The following KIAA0825 variants were observed in gnomAD, a reference collection of about 807,000 sequenced individuals.
KIAA0825 encodes the protein KIAA0825, also known as uncharacterized protein KIAA0825.
KIAA0825 carries 119 observed loss-of-function variants against 147.6 expected under a neutral mutation model. The observed-to-expected ratio is 0.81, with a 90% CI of 0.69 to 0.94. The LOEUF is 0.94. Ranked by LOEUF, KIAA0825 falls within the 40% of genes least tolerant of loss-of-function variation. The probability of loss-of-function intolerance (pLI) is 0.00; values close to 1 mark genes in which losing one functional copy is unlikely to be tolerated. For missense variants in KIAA0825, 1,381 were observed against 1,472.7 expected, an observed-to-expected ratio of 0.94 and a Z score of 1.02; for synonymous variants, 470 against 518.1, an observed-to-expected ratio of 0.91 and a Z score of 1.26.
intron 20 of KIAA0825, among the ~76,000 whole-genome samples, chr5:94,255,594 TA>T (rs1776205845): frequency 1.3e-5 from 2 of 152,040 alleles, no homozygotes; most frequent in Admixed American, 1.3e-4. Flanking sequence ...ATATGGTTTT[TA>T]TTTTTTAAAA....
intron 20 of KIAA0825, among the ~76,000 whole-genome samples, chr5:94,234,402 A>T (rs1479118217): frequency 6.6e-6 from 1 of 151,426 alleles, no homozygotes; most frequent in African/African-American, 2.4e-5. Context: ...TAAAAATAAA[A>T]AAATAAAAAA....
chr5:94,572,585 A>C (rs1340388371), intron 2 of KIAA0825, among the ~76,000 whole-genome samples: 1 of 152,212 alleles, frequency 6.6e-6, no homozygotes, highest in African/African-American at 2.4e-5. Flanking sequence ...GCAATTCATT[A>C]AAAATTATAA....
chr5:94,290,362 C>G (rs565081143), intron 20 of KIAA0825, among the ~76,000 whole-genome samples: 1 of 152,292 alleles, frequency 6.6e-6, no homozygotes, highest in African/African-American at 2.4e-5. Context: ...TCAACTCCCA[C>G]TTATGAGTGA....
intron 2 of KIAA0825, among the ~76,000 whole-genome samples, chr5:94,553,886 A>G (rs1457638248): frequency 6.6e-6 from 1 of 152,328 alleles, no homozygotes; most frequent in East Asian, 1.9e-4. Flanking sequence ...CAGCATGAGA[A>G]GGACATATTT....
intron 2 of KIAA0825, among the ~76,000 whole-genome samples, chr5:94,542,469 G>A (rs572955431): frequency 2.0e-5 from 3 of 152,268 alleles, no homozygotes; most frequent in South Asian, 2.1e-4. Flanking sequence ...ATTTGTGAAT[G>A]TTCTTAATTT....
chr5:94,459,767 A>C (rs2150943442), intron 12 of KIAA0825, among the ~76,000 whole-genome samples: 1 of 152,240 alleles, frequency 6.6e-6, no homozygotes, highest in African/African-American at 2.4e-5. Context: ...AGCTTTCAAA[A>C]AGTTTCTACT....
At chr5:94,414,414 G>A (rs969151459) in intron 15 of KIAA0825, 1 of 152,114 alleles carries the variant, frequency 6.6e-6, no homozygotes, top group South Asian at 2.1e-4. Context: ...TCCAATGATT[G>A]TTAGCAAATT....
At chr5:94,413,041 T>TC (rs1269524149) in intron 15 of KIAA0825, 1 of 149,094 alleles carries the variant, frequency 6.7e-6, no homozygotes, top group Non-Finnish European at 1.5e-5. Flanking sequence ...AACCTCCACC[T>TC]CCCGGGTTCA....
intron 6 of KIAA0825, among the ~76,000 whole-genome samples, chr5:94,481,954 C>A (rs1319514856): frequency 1.3e-5 from 2 of 152,092 alleles, no homozygotes; most frequent in East Asian, 1.9e-4. Context: ...GCCCAAAGAA[C>A]AACTTTATTC....
chr5:94,397,017 C>G (rs1296574376), intron 16 of KIAA0825, among the ~76,000 whole-genome samples: 1 of 152,006 alleles, frequency 6.6e-6, no homozygotes, highest in East Asian at 1.9e-4. Flanking sequence ...TCATCTCAGT[C>G]CATTTATACC....
chr5:94,552,747 T>G (rs1161463684), intron 2 of KIAA0825, among the ~76,000 whole-genome samples: 3 of 152,202 alleles, frequency 2.0e-5, no homozygotes, highest in Non-Finnish European at 4.4e-5. Flanking sequence ...GATACCATGT[T>G]AAATGAAATA....
At chr5:94,555,699 A>G (rs948592325) in intron 2 of KIAA0825, among the ~76,000 whole-genome samples, 2 of 152,154 alleles carry the variant, frequency 1.3e-5, no homozygotes, top group African/African-American at 4.8e-5. Flanking sequence ...TAATATTCTC[A>G]TTTTAATAAC....
intron 20 of KIAA0825, among the ~76,000 whole-genome samples, chr5:94,365,616 G>A (rs1348561630): frequency 1.3e-5 from 2 of 152,122 alleles, no homozygotes; most frequent in African/African-American, 2.4e-5. Flanking sequence ...GAAAGAGATC[G>A]GACCTAACTA....
At chr5:94,586,554 G>A (rs1016121855) in intron 1 of KIAA0825, among the ~76,000 whole-genome samples, 10 of 151,834 alleles carry the variant, frequency 6.6e-5, no homozygotes, top group Admixed American at 3.3e-4. Flanking sequence ...TAATTAATAG[G>A]CTACCAACCA....
At chr5:94,518,840 A>T (rs932410178) in intron 5 of KIAA0825, among the ~76,000 whole-genome samples, 4 of 151,898 alleles carry the variant, frequency 2.6e-5, no homozygotes, top group Non-Finnish European at 5.9e-5. Flanking sequence ...AACCCTAAAG[A>T]CTCCATAGCA....
chr5:94,345,982 A>G (rs1003970104), intron 20 of KIAA0825, among the ~76,000 whole-genome samples: 3 of 152,174 alleles, frequency 2.0e-5, no homozygotes, highest in Non-Finnish European at 2.9e-5. Context: ...GATTTTCACA[A>G]TGCTTTTCCA....
intron 2 of KIAA0825, among the ~76,000 whole-genome samples, chr5:94,572,632 G>A (rs1452032757): frequency 1.3e-5 from 2 of 152,110 alleles, no homozygotes; most frequent in South Asian, 2.1e-4. Flanking sequence ...AAGATTTCCA[G>A]AATATTATAT....
At chr5:94,299,452 C>A (rs2150177753) in intron 20 of KIAA0825, among the ~76,000 whole-genome samples, 1 of 151,794 alleles carries the variant, frequency 6.6e-6, no homozygotes, top group South Asian at 2.1e-4. Context: ...AACTCCTGGG[C>A]TCAAGTGACC....
At chr5:94,243,978 C>CT (rs979251004) in intron 20 of KIAA0825, among the ~76,000 whole-genome samples, 2 of 152,124 alleles carry the variant, frequency 1.3e-5, no homozygotes, top group African/African-American at 4.8e-5. Context: ...TCCTACCTCT[C>CT]TTTTTTCAGG....
Sources: gnomAD v4.1 joint callset for allele counts (sites outside exome capture counted in the v4.1 genomes callset) on GRCh38, gnomAD v4.1.1 for gene constraint, MANE v1.5 for transcripts, NCBI Gene and HGNC (gene_info 2026-07-23, HGNC 2026-07-21) for gene names.